CSMD2: variants seen among roughly 807,000 people sequenced by gnomAD.
CSMD2 encodes CUB and Sushi multiple domains 2.
In CSMD2, 130 loss-of-function variants were observed where a neutral mutation model predicts 398.5. The observed-to-expected ratio is 0.33, with a 90% CI of 0.28 to 0.38. The LOEUF (loss-of-function observed/expected upper bound fraction) is 0.38, where lower values mean the gene tolerates loss of function less well. CSMD2 is among the 10% of genes least tolerant of loss of function. The pLI is 1.00. For synonymous variants in CSMD2, 1,828 were observed against 1,908.5 expected, an observed-to-expected ratio of 0.96 and a Z score of 1.10; for missense variants, 3,829 against 4,764.9, an observed-to-expected ratio of 0.80 and a Z score of 5.78.
intron 5 of CSMD2, among the ~76,000 whole-genome samples, chr1:33,913,148 G>C (rs1643547977): frequency 6.6e-6 from 1 of 152,184 alleles, no homozygotes; most frequent in Admixed American, 6.5e-5. Flanking sequence ...TGGCCAGTGT[G>C]GGGCTAGATC....
intron 2 of CSMD2, among the ~76,000 whole-genome samples, chr1:34,076,109 G>A (rs1656293506): frequency 6.6e-6 from 1 of 152,234 alleles, no homozygotes; most frequent in African/African-American, 2.4e-5. Context: ...ACTCCTGGTA[G>A]AGAAAGGGAG....
intron 3 of CSMD2, among the ~76,000 whole-genome samples, chr1:33,969,648 C>A (rs1400984483): frequency 6.6e-6 from 1 of 152,196 alleles, no homozygotes; most frequent in Non-Finnish European, 1.5e-5. Flanking sequence ...TGAGATCACA[C>A]TAAGAATTAA....
intron 19 of CSMD2, among the ~76,000 whole-genome samples, chr1:33,721,998 A>C (rs1018014294): frequency 1.3e-5 from 2 of 152,208 alleles, no homozygotes; most frequent in African/African-American, 4.8e-5. Context: ...AAAGTATTGC[A>C]ACCACCCCTG....
Position 33,622,160 on chromosome 1 carries a change from T to A in CSMD2, c.5827+7A>T. The A allele has an allele frequency of 6.2e-7, 1 of 1,604,958 alleles. No individual in the cohort carries two copies. The highest frequency in any genetic ancestry group is 1.3e-5 in the African/African-American group (1 of 74,816). On this transcript the variant is annotated splice_region_variant and intron_variant, in intron 37 of 70. Coordinates refer to ENST00000373381, the MANE Select transcript of CSMD2 (RefSeq NM_001281956.2). Reference sequence around the variant, plus strand: ...ACCCTGTACCAGCCAAGACCCTGGATTCTCACTTTTGTACTCCAAGTGGAA... The same window carrying A: ...ACCCTGTACCAGCCAAGACCCTGGAATCTCACTTTTGTACTCCAAGTGGAA...
chr1:33,995,741 C>T (rs1461342718), intron 3 of CSMD2, among the ~76,000 whole-genome samples: 1 of 152,176 alleles, frequency 6.6e-6, no homozygotes, highest in Non-Finnish European at 1.5e-5. Flanking sequence ...CTCTTTTCAC[C>T]CAGGAAAGAA....
intron 28 of CSMD2, among the ~76,000 whole-genome samples, chr1:33,648,922 T>C (rs1481358428): frequency 6.6e-6 from 1 of 152,216 alleles, no homozygotes; most frequent in Non-Finnish European, 1.5e-5. Flanking sequence ...TACATTGACA[T>C]GGTTAAATTA....
intron 15 of CSMD2, among the ~76,000 whole-genome samples, chr1:33,734,059 T>C (rs1172918814): frequency 6.6e-6 from 1 of 152,210 alleles, no homozygotes; most frequent in African/African-American, 2.4e-5. Flanking sequence ...AAATGAGAGA[T>C]TGCTAGAAAT....
intron 10 of CSMD2, among the ~76,000 whole-genome samples, chr1:33,807,143 A>G (rs1364048425): frequency 1.3e-5 from 2 of 152,236 alleles, no homozygotes; most frequent in East Asian, 3.8e-4. Context: ...AACTGACAGC[A>G]ACAGTGAAAC....
In CSMD2 at chr1:33,639,090, C is replaced by G. The variant is rs190680799; in HGVS notation, c.4775-2536G>C. ...GGGAAATGCTTATTGGCCTTTCCTT[C>G]CTTGCATCTTTCCTCCTTCTCTCAG... On this transcript the variant is annotated intron_variant, in intron 29 of 70. Transcript: ENST00000373381. Among the ~76,000 whole-genome samples the G allele has an allele frequency of 1.1e-3, 174 of 152,340 alleles. 2 individuals carry two copies. Among genetic ancestry groups the G allele is most frequent in the East Asian group, 3.9e-4 (2 of 5,182 alleles).
chr1:33,641,482 C>G (rs999330106), intron 29 of CSMD2, among the ~76,000 whole-genome samples: 7 of 152,208 alleles, frequency 4.6e-5, no homozygotes, highest in Non-Finnish European at 1.0e-4. Flanking sequence ...CCCTGTGACT[C>G]CATTTTGGTA....
intron 25 of CSMD2, among the ~76,000 whole-genome samples, chr1:33,686,281 G>T (rs1160886680): frequency 6.6e-6 from 1 of 152,198 alleles, no homozygotes; most frequent in Non-Finnish European, 1.5e-5. Context: ...AACACCAGAA[G>T]CTGAGAAGAG....
At chr1:33,756,225 T>C (rs1569754826) in intron 13 of CSMD2, among the ~76,000 whole-genome samples, 1 of 152,210 alleles carries the variant, frequency 6.6e-6, no homozygotes, top group African/African-American at 2.4e-5. Flanking sequence ...CCTAAGTGTA[T>C]GCCTGCAGGA....
In CSMD2 at chr1:33,614,508, G is replaced by A; in HGVS notation, c.6129C>T (p.Gly2043=). The A allele has an allele frequency of 6.3e-7, 1 of 1,586,886 alleles. No individual in the cohort carries two copies. The change falls in exon 40 of 71, where the codon GGC becomes GGT. Residue 2043 remains glycine (G), a synonymous_variant. Coordinates refer to ENST00000373381, the MANE Select transcript of CSMD2 (RefSeq NM_001281956.2). ...DCSWKIALPV[G]FGAHIQFLNF... ...CTGGGGGCTGCAGAGACTTACCAAAGCCCACGGGCAGTGCTATTTTCCAGG... is the reference window on the plus strand; with the variant it reads ...CTGGGGGCTGCAGAGACTTACCAAAACCCACGGGCAGTGCTATTTTCCAGG...
chr1:33,697,010 C>T (rs1645440305), intron 24 of CSMD2, among the ~76,000 whole-genome samples: 1 of 152,194 alleles, frequency 6.6e-6, no homozygotes, highest in African/African-American at 2.4e-5. Flanking sequence ...AATCCCCTAG[C>T]AGGCTAGAGG....
chr1:34,135,242 TCACACACACA>T (rs66898227), intron 1 of CSMD2, among the ~76,000 whole-genome samples: 145 of 135,596 alleles, frequency 1.1e-3, no homozygotes, highest in African/African-American at 1.4e-3. Flanking sequence ...CATGTTGAAA[TCACACACACA>T]CACACACACA....
intron 57 of CSMD2, among the ~76,000 whole-genome samples, chr1:33,545,601 A>T (rs1023119221): frequency 6.6e-6 from 1 of 152,132 alleles, no homozygotes; most frequent in Admixed American, 6.5e-5. Flanking sequence ...CCATTCCATG[A>T]CCTAACAACT....
At position 33,692,995 on chromosome 1, in the gene CSMD2, T is replaced by C. The variant is rs2149098485; in HGVS notation, c.3987A>G (p.Pro1329=). 1 of 1,606,112 alleles carries C rather than the reference T, an allele frequency of 6.2e-7. No homozygotes were observed. Among genetic ancestry groups the C allele is most frequent in the East Asian group, 2.3e-5 (1 of 43,892 alleles). The change falls in exon 25 of 71, where the codon CCA becomes CCG. Residue 1329 remains proline (P), a synonymous_variant. Transcript: ENST00000373381. ...VSGQVLSPGY[P]APYEHNLNCI... ...AGTTGAGATTGTGTTCATAGGGAGC[T>C]GGATACCCGGGTGACAGCACCTGCC...
At chr1:33,922,801 C>A (rs1031706686) in intron 4 of CSMD2, among the ~76,000 whole-genome samples, 5 of 152,144 alleles carry the variant, frequency 3.3e-5, no homozygotes, top group Non-Finnish European at 7.3e-5. Flanking sequence ...GCCATCACTG[C>A]CATTGCTGTA....
intron 27 of CSMD2, among the ~76,000 whole-genome samples, chr1:33,653,390 C>G (rs1643865262): frequency 6.6e-6 from 1 of 152,232 alleles, no homozygotes. Flanking sequence ...AACAGGCTCA[C>G]ATTCGCCTGC....
Sources: gnomAD v4.1 joint callset for allele counts (sites outside exome capture counted in the v4.1 genomes callset) on GRCh38, gnomAD v4.1.1 for gene constraint, MANE v1.5 for transcripts, NCBI Gene and HGNC (gene_info 2026-07-23, HGNC 2026-07-21) for gene names.